The following TRAPPC9 variants were observed in gnomAD, a reference collection of about 807,000 sequenced individuals.
The protein encoded by TRAPPC9 is IKK2 binding protein.
A neutral mutation model predicts 124.0 loss-of-function variants in TRAPPC9; 83 were observed. The observed-to-expected ratio is 0.67, with a 90% CI of 0.56 to 0.80. TRAPPC9 has a LOEUF of 0.80. Among genes scored for constraint, TRAPPC9 ranks in the 30% least tolerant of loss-of-function variants. TRAPPC9 has a pLI of 0.00. For missense variants in TRAPPC9, 1,302 were observed against 1,508.3 expected, an observed-to-expected ratio of 0.86 and a Z score of 2.27; for synonymous variants, 638 against 617.5, an observed-to-expected ratio of 1.03 and a Z score of -0.49.
intron 21 of TRAPPC9, among the ~76,000 whole-genome samples, chr8:139,753,127 C>T (rs541707533): frequency 5.4e-5 from 8 of 149,398 alleles, no homozygotes; most frequent in African/African-American, 1.7e-4. Context: ...ATCTACCATC[C>T]ATCCATCATC....
Position 140,253,698 on chromosome 8 carries a change from A to C in TRAPPC9, c.2279-769T>G, listed in dbSNP as rs112377117. 1.5e-3 allele frequency among the ~76,000 whole-genome samples: 228 copies of C among 152,124 alleles called. 1 individual carries two copies. The highest frequency in any genetic ancestry group is 5.2e-3 in the African/African-American group (217 of 41,506). ...ATCTCAAAAGAAAAAAAAAACATCAAATCAAAGAATTAAGGACGGCACCTT... is the reference window on the plus strand; with the variant it reads ...ATCTCAAAAGAAAAAAAAAACATCACATCAAAGAATTAAGGACGGCACCTT... On this transcript the variant is annotated intron_variant, in intron 15 of 22. Transcript: ENST00000438773.
intron 21 of TRAPPC9, among the ~76,000 whole-genome samples, chr8:139,832,986 T>C (rs1394447248): frequency 6.6e-6 from 1 of 151,978 alleles, no homozygotes; most frequent in Non-Finnish European, 1.5e-5. Context: ...AAGTCAGAGA[T>C]GAGAAGCATG....
intron 17 of TRAPPC9, among the ~76,000 whole-genome samples, chr8:140,105,985 A>G (rs908066430): frequency 1.3e-5 from 2 of 151,950 alleles, no homozygotes; most frequent in Non-Finnish European, 2.9e-5. Flanking sequence ...GTCCAAGCCT[A>G]TCCAAAGAGC....
chr8:140,225,077 A>G (rs2063416198), intron 16 of TRAPPC9, among the ~76,000 whole-genome samples: 1 of 152,254 alleles, frequency 6.6e-6, no homozygotes, highest in South Asian at 2.1e-4. Flanking sequence ...ATTATTGCAT[A>G]GGAAGGATTT....
chr8:140,307,368 G>A (rs532777252), intron 10 of TRAPPC9, among the ~76,000 whole-genome samples: 1 of 152,272 alleles, frequency 6.6e-6, no homozygotes, highest in Admixed American at 6.5e-5. Context: ...CCAGGTATAT[G>A]TGCCATAAAT....
At chr8:140,321,849 C>A (rs1268872469) in intron 9 of TRAPPC9, among the ~76,000 whole-genome samples, 1 of 152,176 alleles carries the variant, frequency 6.6e-6, no homozygotes, top group Non-Finnish European at 1.5e-5. Context: ...AGATGCCTGG[C>A]AGCTGCCACA....
intron 2 of TRAPPC9, among the ~76,000 whole-genome samples, chr8:140,449,760 C>G (rs1052409576): frequency 6.6e-6 from 1 of 152,196 alleles, no homozygotes; most frequent in Non-Finnish European, 1.5e-5. Context: ...GGGTGCACAG[C>G]CTGGCAATCC....
chr8:139,836,104 G>A (rs903704301), intron 21 of TRAPPC9, among the ~76,000 whole-genome samples: 3 of 152,148 alleles, frequency 2.0e-5, no homozygotes, highest in Non-Finnish European at 4.4e-5. Flanking sequence ...CACTTCCCAG[G>A]TTCAGGTGAT....
rs1554608008 is a variant in TRAPPC9 at position 140,018,324 on chromosome 8, A to ATTT, written c.2699+5610_2699+5612dup. 5.3e-3 allele frequency among the ~76,000 whole-genome samples: 640 copies of ATTT among 119,782 alleles called. 80 individuals carry two copies. Among genetic ancestry groups the ATTT allele is most frequent in the African/African-American group, 0.019 (585 of 30,692 alleles). 78.6% of individuals were successfully genotyped at this position (119,782 alleles called of 152,430 possible). A position where few individuals can be genotyped will look rare whatever the true frequency, so the allele number is the denominator to read the frequency against. On this transcript the variant is annotated intron_variant, in intron 18 of 22. Coordinates refer to ENST00000438773, the MANE Select transcript of TRAPPC9 (RefSeq NM_001160372.4). ...TTGCTGGTATATAGAAACGTAAGTG[A>ATTT]TTTTTTTTTTTTTTTTTGAGACGGA...
chr8:140,234,086 C>G (rs898711353), intron 16 of TRAPPC9, among the ~76,000 whole-genome samples: 1 of 152,174 alleles, frequency 6.6e-6, no homozygotes, highest in Non-Finnish European at 1.5e-5. Context: ...CCCCAACCCC[C>G]AGTCCGTGGC....
intron 14 of TRAPPC9, among the ~76,000 whole-genome samples, chr8:140,282,319 G>A (rs1178150263): frequency 1.3e-5 from 2 of 151,938 alleles, no homozygotes; most frequent in African/African-American, 4.8e-5. Flanking sequence ...CCTGGCCAAT[G>A]TGGCAAAATC....
chr8:140,246,784 A>C (rs2063998699), intron 16 of TRAPPC9, among the ~76,000 whole-genome samples: 1 of 152,160 alleles, frequency 6.6e-6, no homozygotes, highest in Non-Finnish European at 1.5e-5. Context: ...CAGGAGTTTG[A>C]GACCAGCCTG....
chr8:140,353,416 C>T lies in TRAPPC9; in HGVS notation c.1495+6634G>A, dbSNP rs570478420. Among the ~76,000 whole-genome samples, 81 of 152,098 alleles carry T rather than the reference C, an allele frequency of 5.3e-4. No homozygotes were observed. Among genetic ancestry groups the T allele is most frequent in the African/African-American group, 1.8e-3 (75 of 41,494 alleles). On this transcript the variant is annotated intron_variant, in intron 9 of 22. Coordinates refer to ENST00000438773, the MANE Select transcript of TRAPPC9 (RefSeq NM_001160372.4). This position sits in a 1 kb window ranked among gnomAD's most constrained non-coding sequence, Gnocchi z 4.2. ...CCTTCTTTTCGTAAGTATTGATAAC[C>T]GCACTTCACTCACAGTAGCAGAGCC... is the stretch of plus-strand genomic sequence containing the variant.
intron 17 of TRAPPC9, among the ~76,000 whole-genome samples, chr8:140,170,499 G>A (rs978531984): frequency 6.6e-6 from 1 of 152,170 alleles, no homozygotes; most frequent in African/African-American, 2.4e-5. Context: ...ACATGCCAAG[G>A]GTTGTGGGAG....
chr8:139,756,860 A>T (rs878859402), intron 21 of TRAPPC9, among the ~76,000 whole-genome samples: 370 of 44,238 alleles, frequency 8.4e-3, no homozygotes, highest in Middle Eastern at 0.018. Context: ...GGAGCCAGGG[A>T]TTGGGGATGA....
At position 139,901,845 on chromosome 8, in the gene TRAPPC9, C is replaced by T. The variant is rs188146554; in HGVS notation, c.2964+8302G>A. The stretch of plus-strand genomic sequence containing the variant: ...ACCTACAGCAAGCGAGGTGACCTCG[C>T]TGGGCCTCCTCGTTTTCTCATCTGT... On this transcript the variant is annotated intron_variant, in intron 20 of 22. Coordinates refer to ENST00000438773, the MANE Select transcript of TRAPPC9 (RefSeq NM_001160372.4). Among the ~76,000 whole-genome samples the T allele has an allele frequency of 1.2e-3, 188 of 152,354 alleles. 1 individual carries two copies. Among genetic ancestry groups the T allele is most frequent in the African/African-American group, 4.3e-3 (180 of 41,594 alleles).
chr8:139,940,413 C>G (rs1188118928), intron 19 of TRAPPC9, among the ~76,000 whole-genome samples: 1 of 152,204 alleles, frequency 6.6e-6, no homozygotes, highest in Non-Finnish European at 1.5e-5. Flanking sequence ...CAATTTCATA[C>G]TGTGAAAAAC....
In TRAPPC9 at chr8:140,388,153, C is replaced by T. The variant is rs545320008; in HGVS notation, c.1134+9467G>A. ...AAAACAAACACCGCATGTTCTCACTCATAGGTGGGAACTGAACAATGAGAA... is the reference window on the plus strand; with the variant it reads ...AAAACAAACACCGCATGTTCTCACTTATAGGTGGGAACTGAACAATGAGAA... On this transcript the variant is annotated intron_variant, in intron 7 of 22. Transcript: ENST00000438773. Among the ~76,000 whole-genome samples, 771 of 144,310 alleles carry T rather than the reference C, an allele frequency of 5.3e-3. 5 individuals carry two copies. Among genetic ancestry groups the T allele is most frequent in the Non-Finnish European group, 9.3e-3 (620 of 66,836 alleles). 94.7% of individuals were successfully genotyped at this position (144,310 alleles called of 152,430 possible). A position where few individuals can be genotyped will look rare whatever the true frequency, so the allele number is the denominator to read the frequency against.
chr8:140,365,456 G>A (rs2068082711), intron 8 of TRAPPC9, among the ~76,000 whole-genome samples: 2 of 152,254 alleles, frequency 1.3e-5, no homozygotes, highest in African/African-American at 2.4e-5. Flanking sequence ...TGAGGCCACA[G>A]CTAGCCTTGG....
Sources: allele counts gnomAD v4.1 joint callset (sites outside exome capture counted in the v4.1 genomes callset), GRCh38; gene constraint gnomAD v4.1.1; non-coding constraint Gnocchi (gnomAD v3.1); transcripts MANE v1.5; gene names NCBI Gene and HGNC (gene_info 2026-07-23, HGNC 2026-07-21).